The following UTRN variants were observed in gnomAD, a reference collection of about 807,000 sequenced individuals.
UTRN encodes utrophin.
Under a neutral mutation model 463.9 loss-of-function variants are expected in UTRN, and 283 were observed. The ratio of observed to expected loss-of-function variants is 0.61; its 90% CI spans 0.55 to 0.67. UTRN has a LOEUF of 0.67. UTRN is among the 30% of genes least tolerant of loss of function. UTRN has a pLI of 0.00. For synonymous variants in UTRN, 1,442 were observed against 1,431.5 expected, an observed-to-expected ratio of 1.01 and a Z score of -0.17; for missense variants, 3,922 against 4,084.3, an observed-to-expected ratio of 0.96 and a Z score of 1.08.
At chr6:144,823,405 G>A (rs1354893822) in intron 66 of UTRN, among the ~76,000 whole-genome samples, 2 of 152,116 alleles carry the variant, frequency 1.3e-5, no homozygotes, top group African/African-American at 4.8e-5. Context: ...TAATAAAAAA[G>A]TTTGATTTTG....
At chr6:144,713,962 T>G (rs1237187782) in intron 53 of UTRN, among the ~76,000 whole-genome samples, 3 of 152,016 alleles carry the variant, frequency 2.0e-5, no homozygotes, top group Non-Finnish European at 4.4e-5. Flanking sequence ...TACTATTTTA[T>G]TACTATGAAA....
chr6:144,572,707 TC>T, intron 50 of UTRN, among the ~76,000 whole-genome samples: 1 of 152,314 alleles, frequency 6.6e-6, no homozygotes, highest in East Asian at 1.9e-4. Context: ...TTCATCCATG[TC>T]CCTGCAAAGG....
At chr6:144,470,843 G>C (rs1014990544) in intron 23 of UTRN, among the ~76,000 whole-genome samples, 1 of 151,992 alleles carries the variant, frequency 6.6e-6, no homozygotes, top group South Asian at 2.1e-4. Context: ...CGGCCAACAC[G>C]GCGAAACCCC....
chr6:144,602,801 A>G (rs1804403212), intron 51 of UTRN, among the ~76,000 whole-genome samples: 2 of 152,220 alleles, frequency 1.3e-5, no homozygotes, highest in Non-Finnish European at 1.5e-5. Context: ...CAATATTATA[A>G]TGAAAGAATG....
intron 51 of UTRN, among the ~76,000 whole-genome samples, chr6:144,640,698 T>A (rs928027490): frequency 6.6e-6 from 1 of 152,208 alleles, no homozygotes; most frequent in Admixed American, 6.5e-5. Flanking sequence ...TATTAGGGGT[T>A]TGTATGAAAG....
chr6:144,440,047 C>T (rs1028811336), intron 12 of UTRN, among the ~76,000 whole-genome samples: 10 of 152,016 alleles, frequency 6.6e-5, no homozygotes, highest in Non-Finnish European at 1.2e-4. Context: ...TGTATTAATT[C>T]CTAGTATGGA....
intron 23 of UTRN, among the ~76,000 whole-genome samples, chr6:144,472,808 G>T (rs146149163): frequency 6.8e-6 from 1 of 147,732 alleles, no homozygotes; most frequent in Admixed American, 6.8e-5. Context: ...TTGCTCTGTC[G>T]CCAGGCTGGA....
At chr6:144,350,455 G>A (rs1411557855) in intron 2 of UTRN, among the ~76,000 whole-genome samples, 1 of 152,096 alleles carries the variant, frequency 6.6e-6, no homozygotes, top group Admixed American at 6.6e-5. Context: ...TGATTTAGTG[G>A]CATCCCACTT....
chr6:144,500,574 T>A (rs1392765504), intron 34 of UTRN, among the ~76,000 whole-genome samples: 1 of 152,198 alleles, frequency 6.6e-6, no homozygotes, highest in African/African-American at 2.4e-5. Flanking sequence ...AAAGCCTAAT[T>A]CACCACCTTT....
intron 35 of UTRN, 22 bp from the exon 36 acceptor site, chr6:144,513,887 C>A (rs1453156724): frequency 6.2e-7 from 1 of 1,608,440 alleles, no homozygotes; most frequent in South Asian, 1.1e-5. Context: ...GTTATGTAAG[C>A]ATTTTATTAA....
At chr6:144,378,229 C>G (rs906980591) in intron 2 of UTRN, among the ~76,000 whole-genome samples, 15 of 151,786 alleles carry the variant, frequency 9.9e-5, no homozygotes, top group African/African-American at 3.4e-4. Context: ...CATGTTCTTT[C>G]TATTGAAATG....
intron 65 of UTRN, among the ~76,000 whole-genome samples, chr6:144,812,158 T>C (rs564015711): frequency 6.6e-6 from 1 of 152,226 alleles, no homozygotes; most frequent in South Asian, 2.1e-4. Context: ...TTTTGTTTCT[T>C]TATTTGTGGT....
intron 52 of UTRN, among the ~76,000 whole-genome samples, chr6:144,688,421 T>A (rs574392839): frequency 2.2e-4 from 33 of 152,202 alleles, no homozygotes; most frequent in Non-Finnish European, 2.8e-4. Context: ...AGTGTGATCA[T>A]TTGGTGGTGT....
chr6:144,303,888 C>T (rs73585069), intron 2 of UTRN, among the ~76,000 whole-genome samples: 9,208 of 152,150 alleles, frequency 0.061, 910 homozygotes, highest in African/African-American at 0.21. Context: ...GAAGATAATG[C>T]CATCCTCTAT....
intron 20 of UTRN, 75 bp downstream of exon 20, chr6:144,459,086 T>C: frequency 6.4e-7 from 1 of 1,563,228 alleles, no homozygotes; most frequent in Non-Finnish European, 8.7e-7. Flanking sequence ...TCTCGTATCA[T>C]GAACTTTAAG....
At chr6:144,512,380 TTAA>T (rs1453570584) in intron 35 of UTRN, among the ~76,000 whole-genome samples, 1 of 152,182 alleles carries the variant, frequency 6.6e-6, no homozygotes, top group East Asian at 1.9e-4. Flanking sequence ...ATTTACCTGC[TTAA>T]TAGGGGTAAA....
In UTRN at chr6:144,444,199, T is replaced by C. The variant is rs80207561; in HGVS notation, c.1513-82T>C. The C allele has an allele frequency of 1.6e-3, 1,823 of 1,138,792 alleles. 24 individuals carry two copies. In the African/African-American group the frequency reaches 0.026, roughly 16 times the overall value. 70.5% of individuals were successfully genotyped at this position (1,138,792 alleles called of 1,614,324 possible). The stretch of plus-strand genomic sequence containing the variant: ...GTTGTTATTCTATAATAAAGAACAA[T>C]GGAAATCATGAATTTCTTCAAGGAT... On this transcript the variant is annotated intron_variant, in intron 13 of 74. Transcript: ENST00000367545.
At chr6:144,821,992 T>A (rs1779646575) in intron 66 of UTRN, among the ~76,000 whole-genome samples, 1 of 152,036 alleles carries the variant, frequency 6.6e-6, no homozygotes, top group African/African-American at 2.4e-5. Flanking sequence ...GTTTTCTACT[T>A]TATAAAAAAT....
intron 2 of UTRN, among the ~76,000 whole-genome samples, chr6:144,339,454 C>A (rs1562266069): frequency 6.6e-6 from 1 of 151,976 alleles, no homozygotes; most frequent in Non-Finnish European, 1.5e-5. Context: ...AGATTTGCAT[C>A]TATGTGAATT....
Sources: gnomAD v4.1 joint callset for allele counts (sites outside exome capture counted in the v4.1 genomes callset) on GRCh38, gnomAD v4.1.1 for gene constraint, MANE v1.5 for transcripts, NCBI Gene and HGNC (gene_info 2026-07-23, HGNC 2026-07-21) for gene names.